LURAP1L: variants seen among roughly 807,000 people sequenced by gnomAD.
LURAP1L encodes leucine rich adaptor protein 1-like.
In LURAP1L, 12 loss-of-function variants were observed where a neutral mutation model predicts 13.8. That is an observed-to-expected ratio of 0.87 (90% confidence interval 0.56 to 1.41). The LOEUF is 1.41. Among genes scored for constraint, LURAP1L ranks in the 40% most tolerant of loss-of-function variants. The pLI, the probability that LURAP1L is intolerant of heterozygous loss-of-function variation, is 0.00. For synonymous variants in LURAP1L, 139 were observed against 119.2 expected (o/e 1.17, Z -1.08); for missense variants, 375 against 292.9 (o/e 1.28, Z -2.04).
intron 1 of LURAP1L, among the ~76,000 whole-genome samples, chr9:12,818,669 C>A (rs780159152): frequency 1.3e-5 from 2 of 152,020 alleles, no homozygotes; most frequent in Non-Finnish European, 2.9e-5. Flanking sequence ...AGAAGTATGA[C>A]TTGAAGAATG....
chr9:12,792,479 G>C (rs1819453685), intron 1 of LURAP1L, among the ~76,000 whole-genome samples: 1 of 152,068 alleles, frequency 6.6e-6, no homozygotes, highest in Non-Finnish European at 1.5e-5. Flanking sequence ...ATTAAATAAT[G>C]AATGTAACAT....
intron 1 of LURAP1L, among the ~76,000 whole-genome samples, chr9:12,779,565 C>T (rs538477864): frequency 6.6e-5 from 10 of 152,178 alleles, no homozygotes; most frequent in South Asian, 6.2e-4. Flanking sequence ...CCACCGTGTA[C>T]GGCCGAAACT....
chr9:12,783,516 A>G (rs1819303959), intron 1 of LURAP1L, among the ~76,000 whole-genome samples: 1 of 152,166 alleles, frequency 6.6e-6, no homozygotes. Flanking sequence ...GTGGATTTGC[A>G]TATGTTGAAC....
intron 1 of LURAP1L, among the ~76,000 whole-genome samples, chr9:12,786,581 T>TATATATATAA (rs61134838): frequency 2.5e-5 from 3 of 121,438 alleles, no homozygotes; most frequent in African/African-American, 5.6e-5. Context: ...TATATATATA[T>TATATATATAA]AAACCCTTGT....
intron 1 of LURAP1L, among the ~76,000 whole-genome samples, chr9:12,783,758 T>A (rs1819308428): frequency 6.6e-6 from 1 of 151,976 alleles, no homozygotes; most frequent in Non-Finnish European, 1.5e-5. Context: ...TTTTTTGGAA[T>A]AGTTTGGGTA....
chr9:12,782,612 C>T (rs1348376268), intron 1 of LURAP1L, among the ~76,000 whole-genome samples: 2 of 152,204 alleles, frequency 1.3e-5, no homozygotes, highest in Middle Eastern at 3.4e-3. Flanking sequence ...TGTTTTTATG[C>T]CAGTATCATG....
In LURAP1L at chr9:12,821,610, G is replaced by T; in HGVS notation, c.537G>T (p.Val179=). Residue 179 remains valine (V), a synonymous_variant, in exon 2 of 2, where the codon GTG becomes GTT. Coordinates refer to ENST00000319264, the MANE Select transcript of LURAP1L (RefSeq NM_203403.2). The stretch of plus-strand genomic sequence containing the variant: ...GTGATGGGCTGGATGGCATTTCCGT[G>T]GGAAGTTATCTGGACACGTTGGCGG... ...DGSDGLDGIS[V]GSYLDTLADD... The T allele has an allele frequency of 6.2e-7, 1 of 1,614,126 alleles. No individual in the cohort carries two copies. The highest frequency in any genetic ancestry group is 8.5e-7 in the Non-Finnish European group (1 of 1,180,040).
chr9:12,778,998 G>A (rs1819230128), intron 1 of LURAP1L, among the ~76,000 whole-genome samples: 1 of 152,148 alleles, frequency 6.6e-6, no homozygotes. Flanking sequence ...TTATAAATCA[G>A]TCACAGTAAG....
At chr9:12,806,548 G>T (rs1011157837) in intron 1 of LURAP1L, among the ~76,000 whole-genome samples, 3 of 151,804 alleles carry the variant, frequency 2.0e-5, no homozygotes, top group Non-Finnish European at 4.4e-5. Flanking sequence ...GGCTTCTTGG[G>T]CTATGCTCCA....
chr9:12,807,820 A>G (rs1457814834), intron 1 of LURAP1L, among the ~76,000 whole-genome samples: 1 of 151,552 alleles, frequency 6.6e-6, no homozygotes, highest in Non-Finnish European at 1.5e-5. Flanking sequence ...TAATTAGGCA[A>G]TTTATATGAT....
chr9:12,800,408 C>T (rs1028839361), intron 1 of LURAP1L, among the ~76,000 whole-genome samples: 1 of 152,024 alleles, frequency 6.6e-6, no homozygotes, highest in Non-Finnish European at 1.5e-5. Context: ...ATATCAACCC[C>T]AGTCATCTGA....
chr9:12,821,526 T>G lies in LURAP1L; in HGVS notation c.453T>G (p.Ser151Arg), dbSNP rs1031741284. ...RGSSLSGSLCSLLESQSTSLR... is the reference protein window; with the variant it reads ...RGSSLSGSLCRLLESQSTSLR... ...GCAGCCTCAGTGGCAGCCTGTGCAG[T>G]TTGTTGGAGAGTCAGAGCACCTCCT... is the stretch of plus-strand genomic sequence containing the variant. Residue 151 changes from serine to arginine, a missense_variant, in exon 2 of 2, where the codon AGT (serine) becomes AGG (arginine). Physicochemically the swap from Ser to Arg is moderately radical, Grantham distance 110. Coordinates refer to ENST00000319264, the MANE Select transcript of LURAP1L (RefSeq NM_203403.2). The G allele has an allele frequency of 1.9e-6, 3 of 1,613,932 alleles. No homozygotes were observed. In the African/African-American group the frequency reaches 4.0e-5, roughly 22 times the overall value.
At chr9:12,779,879 C>T (rs1189384994) in intron 1 of LURAP1L, among the ~76,000 whole-genome samples, 3 of 152,178 alleles carry the variant, frequency 2.0e-5, no homozygotes, top group Non-Finnish European at 2.9e-5. Flanking sequence ...CAGTCTCTGG[C>T]TTAGGATTTG....
intron 1 of LURAP1L, among the ~76,000 whole-genome samples, chr9:12,806,219 C>A (rs1819654353): frequency 6.6e-6 from 1 of 152,050 alleles, no homozygotes; most frequent in African/African-American, 2.4e-5. Context: ...ATGAGAGAAC[C>A]AGCAAGATGG....
intron 1 of LURAP1L, among the ~76,000 whole-genome samples, chr9:12,805,718 G>A (rs1435757591): frequency 1.3e-5 from 2 of 151,990 alleles, no homozygotes; most frequent in African/African-American, 4.8e-5. Context: ...TTCCAAAGGG[G>A]GAACATTTTA....
chr9:12,822,252 G>C lies in LURAP1L; in HGVS notation c.*492G>C, dbSNP rs1009267662. The C allele has an allele frequency of 6.4e-6, 1 of 156,432 alleles. No individual in the cohort carries two copies. The highest frequency in any genetic ancestry group is 2.4e-5 in the African/African-American group (1 of 41,424). 9.7% of individuals were successfully genotyped at this position (156,432 alleles called of 1,614,324 possible). A position where few individuals can be genotyped will look rare whatever the true frequency, so the allele number is the denominator to read the frequency against. On this transcript the variant is annotated 3_prime_UTR_variant, in exon 2 of 2. Transcript: ENST00000319264. ...GGAACAAAATTAAGCATTATTTCTA[G>C]ACCACAACATTCTAGTGTATAATCA...
At chr9:12,797,342 T>C (rs1186916396) in intron 1 of LURAP1L, among the ~76,000 whole-genome samples, 1 of 152,042 alleles carries the variant, frequency 6.6e-6, no homozygotes, top group Non-Finnish European at 1.5e-5. Context: ...AGAGTGACAA[T>C]AGGAATCACA....
At chr9:12,801,227 A>T (rs1295135494) in intron 1 of LURAP1L, among the ~76,000 whole-genome samples, 1 of 151,876 alleles carries the variant, frequency 6.6e-6, no homozygotes, top group Non-Finnish European at 1.5e-5. Flanking sequence ...AGAGCATCCA[A>T]CCTCTCCACA....
At chr9:12,797,609 C>A (rs1485141367) in intron 1 of LURAP1L, among the ~76,000 whole-genome samples, 5 of 151,996 alleles carry the variant, frequency 3.3e-5, no homozygotes, top group Admixed American at 6.6e-5. Flanking sequence ...AAAGTTTGAG[C>A]TTTTATTATT....
Sources: allele counts gnomAD v4.1 joint callset (sites outside exome capture counted in the v4.1 genomes callset), GRCh38; gene constraint gnomAD v4.1.1; transcripts MANE v1.5; gene names NCBI Gene and HGNC (gene_info 2026-07-23, HGNC 2026-07-21).